PHLDB2: variants seen among roughly 807,000 people sequenced by gnomAD.
PHLDB2 encodes the protein pleckstrin homology-like domain family B member 2.
Under a neutral mutation model 123.6 loss-of-function variants are expected in PHLDB2, and 71 were observed. The observed-to-expected ratio is 0.57, with a 90% CI of 0.47 to 0.70. The LOEUF is 0.70. Among genes scored for constraint, PHLDB2 ranks in the 30% least tolerant of loss-of-function variants. The pLI, the probability that PHLDB2 is intolerant of heterozygous loss-of-function variation, is 0.00. For missense variants in PHLDB2, 1,446 were observed against 1,519.5 expected, an observed-to-expected ratio of 0.95 and a Z score of 0.80; for synonymous variants, 547 against 541.6, an observed-to-expected ratio of 1.01 and a Z score of -0.14.
chr3:111,733,201 T>TA (rs2107894222), intron 1 of PHLDB2, among the ~76,000 whole-genome samples: 1 of 152,304 alleles, frequency 6.6e-6, no homozygotes, highest in East Asian at 1.9e-4. Flanking sequence ...GTCACGTATA[T>TA]TTTTCTGCTT....
intron 2 of PHLDB2, among the ~76,000 whole-genome samples, chr3:111,909,815 A>G (rs2067776594): frequency 6.6e-6 from 1 of 152,198 alleles, no homozygotes; most frequent in Admixed American, 6.5e-5. Context: ...AATTATATCT[A>G]AAAATTAAAG....
At chr3:111,934,954 TA>T (rs1577124430) in intron 6 of PHLDB2, among the ~76,000 whole-genome samples, 2 of 152,164 alleles carry the variant, frequency 1.3e-5, no homozygotes, top group East Asian at 3.9e-4. Flanking sequence ...TATCACTGGA[TA>T]AATTTTTTTA....
At chr3:111,751,517 A>G (rs1036934960) in intron 1 of PHLDB2, among the ~76,000 whole-genome samples, 1 of 152,060 alleles carries the variant, frequency 6.6e-6, no homozygotes, top group African/African-American at 2.4e-5. Context: ...AGTGCCCAGG[A>G]AAAATTTAAA....
At position 111,962,234 on chromosome 3, in the gene PHLDB2, C is replaced by G; in HGVS notation, c.2999C>G (p.Ala1000Gly). 6.3e-7 allele frequency: 1 copy of G among 1,580,536 alleles called. No individual in the cohort carries two copies. Among genetic ancestry groups the G allele is most frequent in the South Asian group, 1.2e-5 (1 of 84,360 alleles). ...CCAGATCACAGCTACAAGGACCAGG[C>G]CTTTGATACTCTGAGCCTCGATAGC... ...HYPDHSYKDQAFDTLSLDSSD... is the reference protein window; with the variant it reads ...HYPDHSYKDQGFDTLSLDSSD... The change falls in exon 13 of 18, where the codon GCC becomes GGC. Residue 1000 changes from alanine (A) to glycine (G), a missense_variant. This residue lies in a region of PHLDB2 where 594 missense variants were observed against 646.0 expected (regional missense o/e 0.92). Coordinates refer to ENST00000431670, the MANE Select transcript of PHLDB2 (RefSeq NM_001134438.2).
intron 1 of PHLDB2, among the ~76,000 whole-genome samples, chr3:111,804,337 G>A (rs6769554): frequency 0.99 from 151,017 of 152,338 alleles, 74,872 homozygotes; most frequent in East Asian, 1. Flanking sequence ...GAATTCTTCT[G>A]AAGAACAGAG....
chr3:111,926,270 C>A (rs141832337), intron 5 of PHLDB2, among the ~76,000 whole-genome samples: 1 of 152,170 alleles, frequency 6.6e-6, no homozygotes, highest in Non-Finnish European at 1.5e-5. Context: ...TTTTTTCCCA[C>A]GATTTTCTGG....
chr3:111,931,444 T>C (rs553912123), intron 5 of PHLDB2, among the ~76,000 whole-genome samples: 22 of 152,338 alleles, frequency 1.4e-4, no homozygotes, highest in African/African-American at 5.3e-4. Flanking sequence ...CAGGGTCTCA[T>C]TGGCACGTGT....
intron 2 of PHLDB2, among the ~76,000 whole-genome samples, chr3:111,893,233 C>CT (rs77407830): frequency 0.021 from 2,990 of 142,068 alleles, 35 homozygotes; most frequent in Admixed American, 0.029. Context: ...TAGTATTAAT[C>CT]TTTTTTTTTT....
intron 1 of PHLDB2, among the ~76,000 whole-genome samples, chr3:111,735,695 A>G (rs138367034): frequency 6.6e-6 from 1 of 152,220 alleles, no homozygotes; most frequent in Non-Finnish European, 1.5e-5. Flanking sequence ...CGCTAGGAGA[A>G]AGAAAGTTGA....
At chr3:111,853,603 C>T (rs1559868621) in intron 2 of PHLDB2, among the ~76,000 whole-genome samples, 1 of 152,112 alleles carries the variant, frequency 6.6e-6, no homozygotes, top group South Asian at 2.1e-4. Flanking sequence ...CAGCCAGGTG[C>T]GGTGGCTCAC....
chr3:111,942,450 C>T (rs1292908710), intron 8 of PHLDB2, among the ~76,000 whole-genome samples: 1 of 152,184 alleles, frequency 6.6e-6, no homozygotes, highest in East Asian at 1.9e-4. Flanking sequence ...TGCAGTCATT[C>T]ACAGAAATAC....
At chr3:111,809,420 A>G (rs2061733427) in intron 1 of PHLDB2, among the ~76,000 whole-genome samples, 1 of 152,222 alleles carries the variant, frequency 6.6e-6, no homozygotes, top group South Asian at 2.1e-4. Flanking sequence ...CTGTGGTTCT[A>G]TGGCATGTCA....
chr3:111,758,501 A>G (rs6792493), intron 1 of PHLDB2, among the ~76,000 whole-genome samples: 81,779 of 151,998 alleles, frequency 0.54, 24,279 homozygotes, highest in African/African-American at 0.8. Flanking sequence ...TCCAGGTGCC[A>G]TCTGTCACCC....
intron 8 of PHLDB2, among the ~76,000 whole-genome samples, chr3:111,943,102 C>T (rs544349887): frequency 4.6e-5 from 7 of 152,132 alleles, no homozygotes; most frequent in East Asian, 1.9e-4. Flanking sequence ...CAACTTTGAA[C>T]GAGAACAAAG....
chr3:111,884,556 A>G lies in PHLDB2; in HGVS notation c.479A>G (p.Asn160Ser), dbSNP rs2066077299. 8.1e-6 allele frequency: 13 copies of G among 1,614,104 alleles called. No homozygotes were observed. Among genetic ancestry groups the G allele is most frequent in the Non-Finnish European group, 1.1e-5 (13 of 1,180,022 alleles). Reference protein sequence around the residue: ...KYSSRHKSHDNVYSLGGLEGR... With the variant: ...KYSSRHKSHDSVYSLGGLEGR... ...AGCTCAAGGCATAAATCGCATGACA[A>G]TGTCTACTCTCTTGGAGGGCTGGAA... The change falls in exon 2 of 18, where the codon AAT becomes AGT. Residue 160 changes from asparagine to serine, a missense_variant. By Grantham distance (46) the Asn-to-Ser change is conservative. Coordinates refer to ENST00000431670, the MANE Select transcript of PHLDB2 (RefSeq NM_001134438.2).
At chr3:111,861,454 C>T (rs1415232993) in intron 1 of PHLDB2, among the ~76,000 whole-genome samples, 1 of 152,152 alleles carries the variant, frequency 6.6e-6, no homozygotes, top group African/African-American at 2.4e-5. Context: ...TCTTAGTTGG[C>T]TAATGTAGCC....
chr3:111,791,011 A>G (rs2060895780), intron 1 of PHLDB2, among the ~76,000 whole-genome samples: 1 of 152,052 alleles, frequency 6.6e-6, no homozygotes, highest in Non-Finnish European at 1.5e-5. Flanking sequence ...TTCCATAAAT[A>G]TTTCTCTGTA....
Position 111,913,534 on chromosome 3 carries a change from A to G in PHLDB2, c.1551A>G (p.Ala517=). Residue 517 remains alanine (A), a synonymous_variant, in exon 3 of 18, where the codon GCA becomes GCG. Coordinates refer to ENST00000431670, the MANE Select transcript of PHLDB2 (RefSeq NM_001134438.2). ...RCHRKDSLPD[A]DLASCGSLSQ... ...ACCGGAAAGACTCCCTCCCTGATGC[A>G]GACTTGGCAAGCTGTGGGAGTCTCA... is the stretch of plus-strand genomic sequence containing the variant. 1 of 1,614,134 alleles carries G rather than the reference A, an allele frequency of 6.2e-7. No individual in the cohort carries two copies. The highest frequency in any genetic ancestry group is 2.2e-5 in the East Asian group (1 of 44,876).
chr3:111,966,550 ATGTATT>A, intron 13 of PHLDB2, 57 bp from the exon 14 acceptor site: 2 of 845,698 alleles, frequency 2.4e-6, no homozygotes, highest in Non-Finnish European at 3.7e-6. Flanking sequence ...GTGTGTGTGT[ATGTATT>A]AGAGAGACTT....
Sources: allele counts gnomAD v4.1 joint callset (sites outside exome capture counted in the v4.1 genomes callset), GRCh38; gene constraint gnomAD v4.1.1; regional missense constraint gnomAD v4.1.1; transcripts MANE v1.5; gene names NCBI Gene and HGNC (gene_info 2026-07-23, HGNC 2026-07-21).